ZNF99: variants seen among roughly 807,000 people sequenced by gnomAD.
ZNF99 encodes the protein zinc finger protein ENSP00000375192.
In ZNF99, 8 loss-of-function variants were observed where a neutral mutation model predicts 12.8. The observed-to-expected ratio is 0.62, with a 90% CI of 0.37 to 1.13. ZNF99 has a LOEUF of 1.13. Ranked by LOEUF, ZNF99 falls within the 50% of genes most tolerant of loss-of-function variation. The probability of loss-of-function intolerance (pLI) is 0.02; values close to 1 mark genes in which losing one functional copy is unlikely to be tolerated. For missense variants in ZNF99, 1,007 were observed against 1,006.2 expected, an observed-to-expected ratio of 1.00 and a Z score of -0.01; for synonymous variants, 318 against 319.0, an observed-to-expected ratio of 1.00 and a Z score of 0.03.
Position 22,756,565 on chromosome 19 carries a change from T to A in ZNF99, c.*749A>T. The stretch of plus-strand genomic sequence containing the variant: ...GGGTTTCTCTCCAGTATGAATTGAT[T>A]TATGTTTAGTAAGGTGTGAGGATTG... On this transcript the variant is annotated 3_prime_UTR_variant, in exon 4 of 4. Coordinates refer to ENST00000596209, the MANE Select transcript of ZNF99 (RefSeq NM_001080409.3). The A allele has an allele frequency of 6.3e-7, 1 of 1,599,074 alleles. No homozygotes were observed. Among genetic ancestry groups the A allele is most frequent in the Non-Finnish European group, 8.5e-7 (1 of 1,176,080 alleles).
intron 1 of ZNF99, among the ~76,000 whole-genome samples, chr19:22,772,734 A>G (rs987903414): frequency 5.3e-5 from 8 of 151,724 alleles, no homozygotes; most frequent in Non-Finnish European, 1.0e-4. Flanking sequence ...TAGTGTCTCT[A>G]TAAGTTTGAC....
At chr19:22,782,259 G>C (rs1973395546) in intron 1 of ZNF99, among the ~76,000 whole-genome samples, 1 of 152,134 alleles carries the variant, frequency 6.6e-6, no homozygotes, top group Non-Finnish European at 1.5e-5. Flanking sequence ...GTAAAAAATG[G>C]AGGGGAAAAT....
intron 1 of ZNF99, among the ~76,000 whole-genome samples, chr19:22,778,745 C>A (rs1252332308): frequency 6.6e-6 from 1 of 152,168 alleles, no homozygotes. Context: ...GTGGCTCACA[C>A]CTGTAATCCC....
intron 1 of ZNF99, among the ~76,000 whole-genome samples, chr19:22,771,557 A>G (rs1973271073): frequency 6.6e-6 from 1 of 151,238 alleles, no homozygotes; most frequent in African/African-American, 2.4e-5. Context: ...GCCCAGCTAA[A>G]AAGCATTTTC....
At chr19:22,765,809 C>T (rs2145148884) in intron 3 of ZNF99, among the ~76,000 whole-genome samples, 1 of 151,938 alleles carries the variant, frequency 6.6e-6, no homozygotes, top group South Asian at 2.1e-4. Flanking sequence ...CAGAGTGAGA[C>T]TGTGCATATA....
chr19:22,781,879 C>A (rs1286173127), intron 1 of ZNF99, among the ~76,000 whole-genome samples: 1 of 151,762 alleles, frequency 6.6e-6, no homozygotes, highest in Non-Finnish European at 1.5e-5. Context: ...GCTGAAAACA[C>A]ATCATAAAGT....
At position 22,753,861 on chromosome 19, in the gene ZNF99, CAT is replaced by C. The variant is rs928003690; in HGVS notation, c.*3451_*3452del. ...TGGTTAAATATTTTGCCACATTCTT[CAT>C]AGTTTTCTCTAGGATAAATTAGCTT... On this transcript the variant is annotated 3_prime_UTR_variant, in exon 4 of 4. Coordinates refer to ENST00000596209, the MANE Select transcript of ZNF99 (RefSeq NM_001080409.3). 9.8e-6 allele frequency: 3 copies of C among 304,744 alleles called. No individual in the cohort carries two copies. Among genetic ancestry groups the C allele is most frequent in the Non-Finnish European group, 1.3e-5 (2 of 152,708 alleles). The allele number at this position is 304,744 out of a possible 1,614,324, so 18.9% of individuals were successfully genotyped here. A position where few individuals can be genotyped will look rare whatever the true frequency, so the allele number is the denominator to read the frequency against.
At position 22,759,310 on chromosome 19, in the gene ZNF99, A is replaced by G. The variant is rs924000460; in HGVS notation, c.599T>C (p.Ile200Thr). 6.5e-7 allele frequency: 1 copy of G among 1,549,278 alleles called. No individual in the cohort carries two copies. Among genetic ancestry groups the G allele is most frequent in the East Asian group, 2.4e-5 (1 of 41,008 alleles). ...TTTGCCACGTTCTTCACATTTGTAG[A>G]TATTCTCTCTAGTATGAATTCTCTT... is the stretch of plus-strand genomic sequence containing the variant. ...QHKRIHTREN[I>T]YKCEERGKAF... The change falls in exon 4 of 4, where the codon ATC (isoleucine) becomes ACC (threonine). Residue 200 changes from isoleucine to threonine, a missense_variant. Transcript: ENST00000596209.
intron 3 of ZNF99, among the ~76,000 whole-genome samples, chr19:22,768,062 A>C (rs925039983): frequency 3.9e-5 from 6 of 152,240 alleles, no homozygotes; most frequent in African/African-American, 1.2e-4. Context: ...TGCCATGAAC[A>C]CAACTTTGGC....
chr19:22,757,581 A>G lies in ZNF99; in HGVS notation c.2328T>C (p.Leu776=), dbSNP rs1360838479. The change falls in exon 4 of 4, where the codon CTT becomes CTC. Residue 776 remains leucine (L), a synonymous_variant. Coordinates refer to ENST00000596209, the MANE Select transcript of ZNF99 (RefSeq NM_001080409.3). Reference sequence around the variant, plus strand: ...CAGTATGAATTATCTTATGTTTTCTAAGGGCTGAGAAATGCTTAAAAGCTT... The same window carrying G: ...CAGTATGAATTATCTTATGTTTTCTGAGGGCTGAGAAATGCTTAAAAGCTT... ...CGKAFKHFSA[L]RKHKIIHTGK... is the part of the protein sequence containing the mutation. 6.2e-7 allele frequency: 1 copy of G among 1,611,188 alleles called. No individual in the cohort carries two copies. The highest frequency in any genetic ancestry group is 2.2e-5 in the East Asian group (1 of 44,820).
At chr19:22,772,380 C>T (rs745370150) in intron 1 of ZNF99, among the ~76,000 whole-genome samples, 36 of 152,060 alleles carry the variant, frequency 2.4e-4, no homozygotes, top group Admixed American at 6.6e-4. Flanking sequence ...AAGATGAATA[C>T]ATAGTGCAAA....
chr19:22,783,140 T>C (rs1193391831), intron 1 of ZNF99, among the ~76,000 whole-genome samples: 1 of 151,640 alleles, frequency 6.6e-6, no homozygotes, highest in Non-Finnish European at 1.5e-5. Flanking sequence ...ATTAGCCGGG[T>C]GTGGTGGCGG....
chr19:22,753,420 C>G lies in ZNF99; in HGVS notation c.*3894G>C, dbSNP rs558544424. 6.8e-6 allele frequency: 1 copy of G among 147,776 alleles called. No homozygotes were observed. The highest frequency in any genetic ancestry group is 2.7e-5 in the African/African-American group (1 of 37,544). 9.2% of individuals were successfully genotyped at this position (147,776 alleles called of 1,614,324 possible). On this transcript the variant is annotated 3_prime_UTR_variant, in exon 4 of 4. Transcript: ENST00000596209. ...TGAATATTTTTCATATTTACTGCAT[C>G]TACAAAAAAAACTTACTCTGTTTTC...
chr19:22,768,454 T>G, intron 2 of ZNF99, 54 bp from the exon 3 acceptor site: 2 of 1,453,648 alleles, frequency 1.4e-6, no homozygotes, highest in South Asian at 1.3e-5. Flanking sequence ...CCAAATAATG[T>G]GCTCATTAAA....
intron 3 of ZNF99, 39 bp downstream of exon 3, chr19:22,768,266 C>T (rs1973226437): frequency 6.2e-7 from 1 of 1,606,428 alleles, no homozygotes; most frequent in Non-Finnish European, 8.5e-7. Context: ...ACCTCTGGAC[C>T]TCTTATTTGT....
intron 3 of ZNF99, among the ~76,000 whole-genome samples, chr19:22,760,341 T>C (rs1973136308): frequency 6.6e-6 from 1 of 152,122 alleles, no homozygotes; most frequent in African/African-American, 2.4e-5. Flanking sequence ...TCTAAAGACA[T>C]ATAAAACAGT....
chr19:22,771,379 C>T (rs1460834362), intron 1 of ZNF99, among the ~76,000 whole-genome samples: 2 of 150,104 alleles, frequency 1.3e-5, no homozygotes, highest in Non-Finnish European at 3.0e-5. Context: ...CCTCAGCCTC[C>T]CGAGTAGCTG....
In ZNF99 at chr19:22,756,707, A is replaced by G; in HGVS notation, c.*607T>C. 1 of 1,476,940 alleles carries G rather than the reference A, an allele frequency of 6.8e-7. No homozygotes were observed. The highest frequency in any genetic ancestry group is 9.1e-7 in the Non-Finnish European group (1 of 1,102,580). 91.5% of individuals were successfully genotyped at this position (1,476,940 alleles called of 1,614,324 possible). On this transcript the variant is annotated 3_prime_UTR_variant, in exon 4 of 4. Coordinates refer to ENST00000596209, the MANE Select transcript of ZNF99 (RefSeq NM_001080409.3). ...CCTTTGCCACATTCTTCACATTTGTACGGTTTCTCCCCAGTATGAATTATC... is the reference window on the plus strand; with the variant it reads ...CCTTTGCCACATTCTTCACATTTGTGCGGTTTCTCCCCAGTATGAATTATC...
intron 2 of ZNF99, 104 bp downstream of exon 2, chr19:22,769,094 A>C (rs570095799): frequency 7.8e-7 from 1 of 1,286,032 alleles, no homozygotes; most frequent in East Asian, 2.8e-5. Flanking sequence ...CGGGTATCTG[A>C]AACTTATTTA....
Sources: allele counts gnomAD v4.1 joint callset (sites outside exome capture counted in the v4.1 genomes callset), GRCh38; gene constraint gnomAD v4.1.1; transcripts MANE v1.5; gene names NCBI Gene and HGNC (gene_info 2026-07-23, HGNC 2026-07-21).